CWH43: variants seen among roughly 807,000 people sequenced by gnomAD.
The protein encoded by CWH43 is cell wall biogenesis 43 C-terminal homolog.
CWH43 carries 91 observed loss-of-function variants against 85.7 expected under a neutral mutation model. The observed-to-expected ratio is 1.06, with a 90% CI of 0.90 to 1.26. CWH43 has a LOEUF of 1.26. Ranked by LOEUF, CWH43 falls within the 50% of genes most tolerant of loss-of-function variation. The pLI, the probability that CWH43 is intolerant of heterozygous loss-of-function variation, is 0.00. For missense variants in CWH43, 869 were observed against 839.2 expected (o/e 1.04, Z -0.44); for synonymous variants, 323 against 293.6 (o/e 1.10, Z -1.02).
At chr4:48,991,725 T>C (rs538001546) in intron 3 of CWH43, 151 bp downstream of exon 3, 8 of 996,356 alleles carry the variant, frequency 8.0e-6, no homozygotes, top group African/African-American at 4.9e-5. Context: ...AACAAGGACA[T>C]GAATACTTGC....
chr4:49,035,691 T>C (rs1304372547), intron 12 of CWH43, among the ~76,000 whole-genome samples: 1 of 152,232 alleles, frequency 6.6e-6, no homozygotes, highest in Non-Finnish European at 1.5e-5. Context: ...TCTTTCTGTC[T>C]TGACCTCTTT....
chr4:49,011,200 T>C (rs1428349252), intron 8 of CWH43, among the ~76,000 whole-genome samples: 1 of 152,240 alleles, frequency 6.6e-6, no homozygotes, highest in Non-Finnish European at 1.5e-5. Flanking sequence ...TTAGCTCTTC[T>C]TGTTGAATTG....
At chr4:49,061,777 G>GCC (rs1785166203) in intron 15 of CWH43, 35 bp from the exon 16 acceptor site, 5 of 1,294,834 alleles carry the variant, frequency 3.9e-6, no homozygotes, top group Non-Finnish European at 5.1e-6. Flanking sequence ...GTTTTTACAT[G>GCC]CCAATAACTT....
At chr4:49,000,929 G>C (rs1782969732) in intron 6 of CWH43, among the ~76,000 whole-genome samples, 1 of 152,194 alleles carries the variant, frequency 6.6e-6, no homozygotes, top group African/African-American at 2.4e-5. Context: ...CTTCCTTTCT[G>C]ATCACTTACT....
At position 48,992,697 on chromosome 4, in the gene CWH43, G is replaced by T. The variant is rs1402308361; in HGVS notation, c.511+607G>T. 1.3e-5 allele frequency among the ~76,000 whole-genome samples: 2 copies of T among 152,142 alleles called. No homozygotes were observed. The highest frequency in any genetic ancestry group is 4.8e-5 in the African/African-American group (2 of 41,436). On this transcript the variant is annotated intron_variant, in intron 4 of 15. Coordinates refer to ENST00000226432, the MANE Select transcript of CWH43 (RefSeq NM_025087.3). This position sits in a 1 kb window ranked among gnomAD's most constrained non-coding sequence, Gnocchi z 4.3. ...AACCAACCCGAGACTCTTCTAAAAA[G>T]AAGGGAGAGGTATTAGTGGATTCTA...
chr4:49,016,547 G>A, intron 8 of CWH43: 1 of 672,164 alleles, frequency 1.5e-6, no homozygotes, highest in South Asian at 1.4e-5. Flanking sequence ...AGAAGGGATT[G>A]GCCTGGTCTC....
chr4:48,994,901 T>C, intron 5 of CWH43, 81 bp downstream of exon 5: 1 of 1,120,518 alleles, frequency 8.9e-7, no homozygotes, highest in Non-Finnish European at 1.4e-6. Flanking sequence ...GACAGCTAGG[T>C]CTGTGCTAGC....
chr4:49,053,740 T>C lies in CWH43; in HGVS notation c.2021+2891T>C, dbSNP rs190669967. 1.1e-4 allele frequency among the ~76,000 whole-genome samples: 16 copies of C among 152,286 alleles called. No homozygotes were observed. In the East Asian group the frequency reaches 2.7e-3, roughly 26 times the overall value. The stretch of plus-strand genomic sequence containing the variant: ...AAGTAAAAAAATCCAAAATCTGAAA[T>C]GCTCCAAAATTCAAAACTTTTTGAG... On this transcript the variant is annotated intron_variant, in intron 15 of 15. Transcript: ENST00000226432.
intron 6 of CWH43, among the ~76,000 whole-genome samples, chr4:48,998,813 C>T (rs1037822703): frequency 2.6e-5 from 4 of 152,126 alleles, no homozygotes; most frequent in African/African-American, 9.7e-5. Flanking sequence ...ATAATACTAC[C>T]TACTCCCAAA....
chr4:49,056,828 T>C (rs1307261337), intron 15 of CWH43, among the ~76,000 whole-genome samples: 1 of 152,186 alleles, frequency 6.6e-6, no homozygotes, highest in Non-Finnish European at 1.5e-5. Flanking sequence ...CTACATCCTG[T>C]AAGTTTTGGT....
At chr4:49,044,325 C>T (rs1784555131) in intron 13 of CWH43, among the ~76,000 whole-genome samples, 1 of 152,128 alleles carries the variant, frequency 6.6e-6, no homozygotes, top group South Asian at 2.1e-4. Context: ...TGCTAAGTGA[C>T]AGGTTGGACA....
chr4:49,019,357 G>A (rs759104101), intron 9 of CWH43, among the ~76,000 whole-genome samples: 24 of 152,000 alleles, frequency 1.6e-4, no homozygotes, highest in Non-Finnish European at 2.9e-4. Flanking sequence ...TGGGATGTTG[G>A]CAGAAGGAAC....
intron 1 of CWH43, chr4:48,986,924 CGTGGGCTGG>C: frequency 1.8e-6 from 1 of 560,438 alleles, no homozygotes; most frequent in Non-Finnish European, 2.3e-6. Flanking sequence ...CAGCTGCTGC[CGTGGGCTGG>C]GCCCAGGACA....
chr4:48,991,320 C>A, intron 2 of CWH43, 134 bp from the exon 3 acceptor site: 1 of 823,652 alleles, frequency 1.2e-6, no homozygotes, highest in Non-Finnish European at 1.8e-6. Context: ...ATTTTAAATA[C>A]ATATATAAAA....
At chr4:49,052,556 A>G (rs1222846325) in intron 15 of CWH43, among the ~76,000 whole-genome samples, 1 of 152,188 alleles carries the variant, frequency 6.6e-6, no homozygotes. Flanking sequence ...AATGGAAGCT[A>G]AAAAATCAGA....
rs950129561 is a variant in CWH43 at position 48,992,849 on chromosome 4, T to C, written c.511+759T>C. Among the ~76,000 whole-genome samples, 2 of 152,210 alleles carry C rather than the reference T, an allele frequency of 1.3e-5. No individual in the cohort carries two copies. The highest frequency in any genetic ancestry group is 2.9e-5 in the Non-Finnish European group (2 of 68,032). On this transcript the variant is annotated intron_variant, in intron 4 of 15. Coordinates refer to ENST00000226432, the MANE Select transcript of CWH43 (RefSeq NM_025087.3). The surrounding 1 kb of genome is among the most constrained non-coding windows in gnomAD (Gnocchi z 4.3). ...GGCTCACCAAAAAGTGCTTGTATAATTCCCCCTGTGGCCCCTAGTTTGGCA... is the reference window on the plus strand; with the variant it reads ...GGCTCACCAAAAAGTGCTTGTATAACTCCCCCTGTGGCCCCTAGTTTGGCA...
At chr4:49,027,253 G>A (rs555029112) in intron 9 of CWH43, among the ~76,000 whole-genome samples, 10 of 152,282 alleles carry the variant, frequency 6.6e-5, no homozygotes, top group African/African-American at 2.4e-4. Context: ...AAGTAGAACC[G>A]ATAGGATTGG....
At chr4:49,001,854 A>C (rs989063268) in intron 6 of CWH43, among the ~76,000 whole-genome samples, 13 of 152,212 alleles carry the variant, frequency 8.5e-5, no homozygotes, top group African/African-American at 2.7e-4. Context: ...TTCTTTTAAA[A>C]ACAGTCATTG....
chr4:49,010,523 G>A (rs776160893), intron 8 of CWH43, among the ~76,000 whole-genome samples: 10 of 152,074 alleles, frequency 6.6e-5, no homozygotes, highest in Non-Finnish European at 1.2e-4. Context: ...GCTAGCTTTT[G>A]AATTTGCTGG....
Sources: gnomAD v4.1 joint callset for allele counts (sites outside exome capture counted in the v4.1 genomes callset) on GRCh38, gnomAD v4.1.1 for gene constraint, Gnocchi (gnomAD v3.1) non-coding constraint, MANE v1.5 for transcripts, NCBI Gene and HGNC (gene_info 2026-07-23, HGNC 2026-07-21) for gene names.